RGS7: variants seen among roughly 807,000 people sequenced by gnomAD.
RGS7 encodes the protein regulator of G-protein signaling 7.
A neutral mutation model predicts 81.1 loss-of-function variants in RGS7; 27 were observed. That is an observed-to-expected ratio of 0.33 (90% confidence interval 0.25 to 0.46). RGS7 has a LOEUF of 0.46. Among genes scored for constraint, RGS7 ranks in the 20% least tolerant of loss-of-function variants. The probability of loss-of-function intolerance (pLI) is 1.00; values close to 1 mark genes in which losing one functional copy is unlikely to be tolerated. For missense variants in RGS7, 396 were observed against 607.4 expected (o/e 0.65, Z 3.66); for synonymous variants, 208 against 207.7 (o/e 1.00, Z -0.01).
At chr1:241,234,914 C>T (rs912079852) in intron 2 of RGS7, among the ~76,000 whole-genome samples, 1 of 151,988 alleles carries the variant, frequency 6.6e-6, no homozygotes, top group African/African-American at 2.4e-5. Context: ...TCCTGCTCCA[C>T]ATGGTTACCA....
At chr1:240,872,674 G>A (rs774415310) in intron 6 of RGS7, among the ~76,000 whole-genome samples, 91 of 152,138 alleles carry the variant, frequency 6.0e-4, no homozygotes, top group Non-Finnish European at 1.0e-3. Context: ...ATCAGCATTG[G>A]TCAAGATGTG....
intron 2 of RGS7, among the ~76,000 whole-genome samples, chr1:241,291,375 A>G (rs2079076661): frequency 6.6e-6 from 1 of 152,162 alleles, no homozygotes. Context: ...AAGGCAGATG[A>G]TACTCTGGTT....
chr1:240,830,084 T>C (rs2147813575), intron 9 of RGS7, among the ~76,000 whole-genome samples: 1 of 152,310 alleles, frequency 6.6e-6, no homozygotes, highest in East Asian at 1.9e-4. Flanking sequence ...GTCAGTCCCA[T>C]TCCCATAGAA....
intron 14 of RGS7, among the ~76,000 whole-genome samples, chr1:240,809,541 A>G (rs1365645554): frequency 6.6e-6 from 1 of 152,108 alleles, no homozygotes; most frequent in African/African-American, 2.4e-5. Context: ...TTTGTAGGAA[A>G]CCAAGAATGC....
intron 2 of RGS7, among the ~76,000 whole-genome samples, chr1:241,306,178 C>T (rs955421089): frequency 1.3e-5 from 2 of 148,340 alleles, no homozygotes; most frequent in Non-Finnish European, 1.5e-5. Context: ...ATTCACACAC[C>T]CTCCCATGCA....
intron 6 of RGS7, among the ~76,000 whole-genome samples, chr1:240,884,490 T>C (rs1667006596): frequency 6.6e-6 from 1 of 152,206 alleles, no homozygotes; most frequent in Non-Finnish European, 1.5e-5. Context: ...TGGAGAACAC[T>C]GATGAATGTT....
chr1:240,920,526 G>A lies in RGS7; in HGVS notation c.385+10191C>T. ...AAGCTCTGGCCTCTATGGTGATGGAGGCCAATACTTTGTCAAACCATGAAA... is the reference window on the plus strand; with the variant it reads ...AAGCTCTGGCCTCTATGGTGATGGAAGCCAATACTTTGTCAAACCATGAAA... On this transcript the variant is annotated intron_variant, in intron 6 of 18. Transcript: ENST00000440928. 3 of 845,796 alleles carry A rather than the reference G, an allele frequency of 3.5e-6. No individual in the cohort carries two copies. The South Asian group carries it at 3.9e-5, about 11-fold the overall frequency. 52.4% of individuals were successfully genotyped at this position (845,796 alleles called of 1,614,324 possible).
chr1:240,829,285 T>C (rs922593831), intron 9 of RGS7, among the ~76,000 whole-genome samples: 15 of 152,042 alleles, frequency 9.9e-5, no homozygotes, highest in South Asian at 6.2e-4. Context: ...CTTGGCAGTG[T>C]AGGAGGGAGG....
chr1:240,797,080 G>T (rs1054225436), intron 18 of RGS7, among the ~76,000 whole-genome samples: 4 of 152,108 alleles, frequency 2.6e-5, no homozygotes, highest in Admixed American at 2.6e-4. Flanking sequence ...TTCACACAAA[G>T]ACAAAACCAG....
chr1:240,779,703 A>T (rs1683650458), intron 18 of RGS7, among the ~76,000 whole-genome samples: 1 of 152,150 alleles, frequency 6.6e-6, no homozygotes, highest in Non-Finnish European at 1.5e-5. Flanking sequence ...TGCTGCCTCC[A>T]CTTCTATGCC....
At position 240,776,001 on chromosome 1, in the gene RGS7, C is replaced by T. The variant is rs749242420; in HGVS notation, c.*219G>A. On this transcript the variant is annotated 3_prime_UTR_variant, in exon 19 of 19. Coordinates refer to ENST00000440928, the MANE Select transcript of RGS7 (RefSeq NM_001364886.1). ...ACAGTTTGGAATGGAGGCATTGAGACGGAAGAGTCCATTGGAGATGGAATG... is the reference window on the plus strand; with the variant it reads ...ACAGTTTGGAATGGAGGCATTGAGATGGAAGAGTCCATTGGAGATGGAATG... The T allele has an allele frequency of 5.0e-5, 34 of 675,372 alleles. No homozygotes were observed. Among genetic ancestry groups the T allele is most frequent in the Middle Eastern group, 2.5e-4 (1 of 4,058 alleles). 41.8% of individuals were successfully genotyped at this position (675,372 alleles called of 1,614,324 possible).
chr1:240,830,386 A>G (rs1693617775), intron 9 of RGS7, among the ~76,000 whole-genome samples: 1 of 152,226 alleles, frequency 6.6e-6, no homozygotes, highest in South Asian at 2.1e-4. Flanking sequence ...CTGTTGCAAC[A>G]TGCAAACCTG....
At chr1:241,078,607 G>C (rs1410528735) in intron 3 of RGS7, among the ~76,000 whole-genome samples, 1 of 151,566 alleles carries the variant, frequency 6.6e-6, no homozygotes, top group African/African-American at 2.4e-5. Context: ...ATTCTTCCTT[G>C]TTCCATATAT....
chr1:241,210,100 T>C (rs968461033), intron 2 of RGS7, among the ~76,000 whole-genome samples: 3 of 152,218 alleles, frequency 2.0e-5, no homozygotes, highest in African/African-American at 7.2e-5. Context: ...TTGGGCAAAA[T>C]GGAGCCTTGA....
intron 5 of RGS7, among the ~76,000 whole-genome samples, chr1:240,931,770 T>C (rs1373809770): frequency 6.6e-6 from 1 of 152,170 alleles, no homozygotes; most frequent in Non-Finnish European, 1.5e-5. Flanking sequence ...ATCTAGAAAC[T>C]GACTGACTAA....
chr1:240,885,716 G>C (rs1274863201), intron 6 of RGS7, among the ~76,000 whole-genome samples: 1 of 152,166 alleles, frequency 6.6e-6, no homozygotes, highest in Non-Finnish European at 1.5e-5. Context: ...TGGACACGAA[G>C]AGGGGAGCAA....
Position 241,327,145 on chromosome 1 carries a change from AG to A in RGS7, c.78+28553del, listed in dbSNP as rs71923749. On this transcript the variant is annotated intron_variant, in intron 2 of 18. Coordinates refer to ENST00000440928, the MANE Select transcript of RGS7 (RefSeq NM_001364886.1). ...AAGAAAGAAAGAAAGAAAGAAAGAA[AG>A]GAAAGAAAGAAAGAAAGAAACACAC... Among the ~76,000 whole-genome samples the A allele has an allele frequency of 4.1e-4, 39 of 95,682 alleles. 2 individuals are homozygous for A. The highest frequency in any genetic ancestry group is 6.4e-4 in the African/African-American group (20 of 31,254). The allele number at this position is 95,682 out of a possible 152,430, so 62.8% of individuals were successfully genotyped here.
At chr1:240,861,001 C>T (rs2147981971) in intron 9 of RGS7, among the ~76,000 whole-genome samples, 1 of 152,086 alleles carries the variant, frequency 6.6e-6, no homozygotes, top group East Asian at 1.9e-4. Context: ...TACTCAGACT[C>T]AATATTTTGC....
chr1:241,319,392 A>G (rs553581342), intron 2 of RGS7, among the ~76,000 whole-genome samples: 74 of 152,334 alleles, frequency 4.9e-4, no homozygotes, highest in African/African-American at 1.6e-3. Flanking sequence ...ATGTTGGTAT[A>G]AAAATACCCT....
Sources: gnomAD v4.1 joint callset for allele counts (sites outside exome capture counted in the v4.1 genomes callset) on GRCh38, gnomAD v4.1.1 for gene constraint, MANE v1.5 for transcripts, NCBI Gene and HGNC (gene_info 2026-07-23, HGNC 2026-07-21) for gene names.